GANC: variants seen among roughly 807,000 people sequenced by gnomAD.
The protein encoded by GANC is glucosidase alpha, neutral C, also known as neutral alpha-glucosidase C.
Under a neutral mutation model 124.2 loss-of-function variants are expected in GANC, and 117 were observed. The observed-to-expected ratio is 0.94, with a 90% CI of 0.81 to 1.10. GANC has a LOEUF of 1.10. GANC is among the 50% of genes least tolerant of loss of function. The pLI is 0.00. For missense variants in GANC, 1,140 were observed against 1,095.0 expected (o/e 1.04, Z -0.58); for synonymous variants, 377 against 376.8 (o/e 1.00, Z -0.01).
intron 21 of GANC, among the ~76,000 whole-genome samples, chr15:42,349,126 C>T (rs1394898663): frequency 6.6e-6 from 1 of 152,152 alleles, no homozygotes; most frequent in Non-Finnish European, 1.5e-5. Context: ...TCCACTTATA[C>T]CACTGAACAT....
rs748256522 is a variant in GANC, at chr15:42,321,802, C to T, written c.1075C>T (p.Pro359Ser). 12 of 1,614,202 alleles carry T rather than the reference C, an allele frequency of 7.4e-6. No homozygotes were observed. The highest frequency in any genetic ancestry group is 3.3e-4 in the Middle Eastern group (2 of 6,062). The change falls in exon 11 of 24, where the codon CCT (proline) becomes TCT (serine). Residue 359 changes from proline to serine, a missense_variant. Coordinates refer to ENST00000318010, the MANE Select transcript of GANC (RefSeq NM_198141.3). ...SHLTGTQAMP[P>S]LFSLGYHQCR... ...TCTTTTAGGCACACAAGCCATGCCCCCTCTTTTCTCTTTGGGATACCACCA... is the reference window on the plus strand; with the variant it reads ...TCTTTTAGGCACACAAGCCATGCCCTCTCTTTTCTCTTTGGGATACCACCA...
rs28460634 is a variant in GANC, at chr15:42,326,442, A to G, written c.1420+18A>G. The G allele has an allele frequency of 6.2e-7, 1 of 1,613,732 alleles. No homozygotes were observed. Among genetic ancestry groups the G allele is most frequent in the East Asian group, 2.2e-5 (1 of 44,854 alleles). ...TTGGCCAGGTATGAAATCACTTTAT[A>G]CACTTATTATTTCCACATGTTCTGT... is the stretch of plus-strand genomic sequence containing the variant. On this transcript the variant is annotated intron_variant, in intron 12 of 23. Coordinates refer to ENST00000318010, the MANE Select transcript of GANC (RefSeq NM_198141.3).
chr15:42,299,056 C>A (rs186155636), intron 6 of GANC, among the ~76,000 whole-genome samples: 85 of 152,296 alleles, frequency 5.6e-4, no homozygotes, highest in Admixed American at 5.1e-3. Context: ...CTCTTTATTT[C>A]TTCCTCTTGC....
intron 11 of GANC, among the ~76,000 whole-genome samples, chr15:42,324,299 G>T (rs114602354): frequency 0.017 from 2,530 of 152,170 alleles, 72 homozygotes; most frequent in African/African-American, 0.059. Flanking sequence ...TGGCAAGGAT[G>T]TAGAGAAATT....
rs546461993 is a variant in GANC at position 42,297,499 on chromosome 15, A to C, written c.513-112A>C. ...TTTATAATGATGTTATATTTAATAC[A>C]TTAAAGGATATAACTGAGGTCTCAA... is the stretch of plus-strand genomic sequence containing the variant. On this transcript the variant is annotated intron_variant, in intron 5 of 23. Transcript: ENST00000318010. The C allele has an allele frequency of 4.7e-5, 32 of 686,904 alleles. No individual in the cohort carries two copies. In the South Asian group the frequency reaches 5.8e-4, roughly 12 times the overall value. The allele number at this position is 686,904 out of a possible 1,614,324, so 42.6% of individuals were successfully genotyped here.
At chr15:42,309,359 G>T (rs1030234681) in intron 8 of GANC, among the ~76,000 whole-genome samples, 1 of 150,482 alleles carries the variant, frequency 6.6e-6, no homozygotes, top group Non-Finnish European at 1.5e-5. Flanking sequence ...TCGCACTGTC[G>T]CCCAGGCTGG....
chr15:42,278,369 G>A, intron 2 of GANC, 113 bp from the exon 3 acceptor site: 1 of 679,198 alleles, frequency 1.5e-6, no homozygotes, highest in Non-Finnish European at 2.5e-6. Flanking sequence ...TTTGTGCCCT[G>A]AAATTCACTG....
At chr15:42,338,609 GAAA>G (rs772391803) in intron 16 of GANC, 119 bp downstream of exon 16, 45 of 725,992 alleles carry the variant, frequency 6.2e-5, no homozygotes, top group Non-Finnish European at 8.6e-5. Context: ...ATGTGGGAAA[GAAA>G]AAATGTGAGA....
intron 8 of GANC, among the ~76,000 whole-genome samples, chr15:42,308,959 T>G (rs2052024807): frequency 6.6e-6 from 1 of 152,174 alleles, no homozygotes; most frequent in African/African-American, 2.4e-5. Flanking sequence ...TGTGGAGCCT[T>G]GGGAGAATAT....
Position 42,351,505 on chromosome 15 carries a change from C to T in GANC, c.2635+73C>T. On this transcript the variant is annotated intron_variant, in intron 23 of 23. Coordinates refer to ENST00000318010, the MANE Select transcript of GANC (RefSeq NM_198141.3). Reference sequence around the variant, plus strand: ...AAGTATCTGCAGTGAGATGATTAGTCCCCAAACGGAGATAATATGCTGAGC... The same window carrying T: ...AAGTATCTGCAGTGAGATGATTAGTTCCCAAACGGAGATAATATGCTGAGC... The T allele has an allele frequency of 9.5e-6, 10 of 1,052,680 alleles. No homozygotes were observed. In the South Asian group the frequency reaches 1.2e-4, roughly 12 times the overall value. The allele number at this position is 1,052,680 out of a possible 1,614,324, so 65.2% of individuals were successfully genotyped here.
At chr15:42,334,442 G>A (rs531077687) in intron 15 of GANC, among the ~76,000 whole-genome samples, 11 of 152,222 alleles carry the variant, frequency 7.2e-5, no homozygotes, top group South Asian at 6.2e-4. Context: ...GATTACAGGC[G>A]TGAGCCACTG....
intron 3 of GANC, among the ~76,000 whole-genome samples, chr15:42,280,313 TA>T (rs2051719134): frequency 6.6e-6 from 1 of 152,216 alleles, no homozygotes. Flanking sequence ...ATAGGTCCTC[TA>T]ATGCTGATTC....
In GANC at chr15:42,297,618, A is replaced by G. The variant is rs1341739057; in HGVS notation, c.520A>G (p.Lys174Glu). The change falls in exon 6 of 24, where the codon AAA becomes GAA. Residue 174 changes from lysine (K) to glutamate (E), a missense_variant. Lys to Glu is a moderately conservative substitution (Grantham distance 56, BLOSUM62 1). Transcript: ENST00000318010. Reference protein sequence around the residue: ...LQILHKQRAAKENEEETSVDT... With the variant: ...LQILHKQRAAEENEEETSVDT... ...TTATTTACGTTAAAACAGAGCTGCTAAAGAAAATGAGGAGGAGACATCAGT... is the reference window on the plus strand; with the variant it reads ...TTATTTACGTTAAAACAGAGCTGCTGAAGAAAATGAGGAGGAGACATCAGT... The G allele has an allele frequency of 1.2e-6, 2 of 1,612,166 alleles. No individual in the cohort carries two copies. Among genetic ancestry groups the G allele is most frequent in the Middle Eastern group, 1.7e-4 (1 of 6,056 alleles).
rs148554608 is a variant in GANC, at chr15:42,298,873, A to T, written c.558+1217A>T. On this transcript the variant is annotated intron_variant, in intron 6 of 23. Coordinates refer to ENST00000318010, the MANE Select transcript of GANC (RefSeq NM_198141.3). Reference sequence around the variant, plus strand: ...TTGGCTCTCTGATTGTCTAGTGTGGATGTAAAGGCATGCTTGTGATTTTTG... The same window carrying T: ...TTGGCTCTCTGATTGTCTAGTGTGGTTGTAAAGGCATGCTTGTGATTTTTG... Among the ~76,000 whole-genome samples, 988 of 152,156 alleles carry T rather than the reference A, an allele frequency of 6.5e-3. 4 individuals carry two copies. Among genetic ancestry groups the T allele is most frequent in the Non-Finnish European group, 9.6e-3 (656 of 67,992 alleles).
chr15:42,292,954 A>G (rs760186092), intron 5 of GANC, 37 bp downstream of exon 5: 7 of 1,578,774 alleles, frequency 4.4e-6, no homozygotes, highest in Non-Finnish European at 6.1e-6. Flanking sequence ...AAAGACCTTA[A>G]CATAACCTGG....
chr15:42,306,437 C>T (rs1217605219), intron 6 of GANC, 109 bp from the exon 7 acceptor site: 1 of 827,572 alleles, frequency 1.2e-6, no homozygotes, highest in South Asian at 1.8e-5. Flanking sequence ...AAAAGATGAA[C>T]TCACTTTCTC....
intron 16 of GANC, 134 bp downstream of exon 16, chr15:42,338,624 A>T: frequency 1.5e-6 from 1 of 685,036 alleles, no homozygotes; most frequent in Non-Finnish European, 2.6e-6. Context: ...AATGTGAGAA[A>T]GTGAAGAGGA....
In GANC at chr15:42,283,613, T is replaced by G. The variant is rs1023329923; in HGVS notation, c.202-4078T>G. On this transcript the variant is annotated intron_variant, in intron 3 of 23. Transcript: ENST00000318010. ...AACACGTTTATTTTCTTTTGCAGCC[T>G]GTTTGCAAGGTTTCACCAGAGACAA... The G allele has an allele frequency of 3.1e-5, 22 of 700,976 alleles. No individual in the cohort carries two copies. In the East Asian group the frequency reaches 5.9e-4, roughly 19 times the overall value. 43.4% of individuals were successfully genotyped at this position (700,976 alleles called of 1,614,324 possible). A position where few individuals can be genotyped will look rare whatever the true frequency, so the allele number is the denominator to read the frequency against.
At chr15:42,341,219 A>G (rs1335517320) in intron 18 of GANC, among the ~76,000 whole-genome samples, 1 of 152,146 alleles carries the variant, frequency 6.6e-6, no homozygotes, top group Non-Finnish European at 1.5e-5. Context: ...ATGCATTATT[A>G]GTAGGATCAT....
Sources: allele counts gnomAD v4.1 joint callset (sites outside exome capture counted in the v4.1 genomes callset), GRCh38; gene constraint gnomAD v4.1.1; transcripts MANE v1.5; gene names NCBI Gene and HGNC (gene_info 2026-07-23, HGNC 2026-07-21).